Variants in GSE1 observed in about 807,000 individuals in gnomAD.
The protein encoded by GSE1 is genetic suppressor element 1.
Under a neutral mutation model 112.6 loss-of-function variants are expected in GSE1, and 32 were observed. The ratio of observed to expected loss-of-function variants is 0.28; its 90% confidence interval spans 0.21 to 0.38. GSE1 has a LOEUF of 0.38. GSE1 is among the 10% of genes least tolerant of loss of function. GSE1 has a pLI of 1.00. For missense variants in GSE1, 2,348 were observed against 1,699.2 expected, an observed-to-expected ratio of 1.38 and a Z score of -6.71; for synonymous variants, 1,115 against 735.6, an observed-to-expected ratio of 1.52 and a Z score of -8.35.
upstream of GSE1, among the ~76,000 whole-genome samples, chr16:85,608,679 C>T (rs1156963649): frequency 6.6e-6 from 1 of 152,206 alleles, no homozygotes; most frequent in Non-Finnish European, 1.5e-5. Flanking sequence ...CTCAGGTCTC[C>T]CCACTCGGGC....
At chr16:85,611,722 G>A (rs2047995891), upstream of GSE1, among the ~76,000 whole-genome samples, 1 of 152,068 alleles carries the variant, frequency 6.6e-6, no homozygotes, top group Non-Finnish European at 1.5e-5. Context: ...CCTGCCCCCC[G>A]GAGGGCACAC....
chr16:85,226,826 C>A (rs553891486), intron 1 of GSE1, among the ~76,000 whole-genome samples: 1 of 141,128 alleles, frequency 7.1e-6, no homozygotes, highest in African/African-American at 2.7e-5. Context: ...TGAAGGAGGA[C>A]GAAGGAGCTA....
At chr16:85,393,055 C>T (rs1211422997) in intron 2 of GSE1, among the ~76,000 whole-genome samples, 1 of 152,210 alleles carries the variant, frequency 6.6e-6, no homozygotes, top group Non-Finnish European at 1.5e-5. Context: ...GTCAAGGCTG[C>T]TGGTGCAGGG....
chr16:85,282,965 A>T (rs1246556629), intron 1 of GSE1: 1 of 152,314 alleles, frequency 6.6e-6, no homozygotes, highest in Non-Finnish European at 1.5e-5. Context: ...GGAGTTGGAC[A>T]TCAGCTGGGG....
chr16:85,326,956 G>C (rs1331885689), intron 1 of GSE1, among the ~76,000 whole-genome samples: 1 of 152,248 alleles, frequency 6.6e-6, no homozygotes, highest in Non-Finnish European at 1.5e-5. Context: ...ACAGGTCTGT[G>C]ATTTGCATAA....
intron 1 of GSE1, among the ~76,000 whole-genome samples, chr16:85,324,229 G>A (rs929941614): frequency 6.6e-6 from 1 of 152,202 alleles, no homozygotes; most frequent in African/African-American, 2.4e-5. Context: ...AACATCGGTG[G>A]CCGGGCACAG....
upstream of GSE1, chr16:85,555,034 G>A: frequency 2.0e-6 from 2 of 985,348 alleles, no homozygotes; most frequent in African/African-American, 1.7e-5. Context: ...GGGGAAGCTC[G>A]CAAGTGAAAC....
chr16:85,226,777 G>GTT (rs1163972032), intron 1 of GSE1, among the ~76,000 whole-genome samples: 1 of 137,438 alleles, frequency 7.3e-6, no homozygotes, highest in African/African-American at 3.1e-5. Context: ...GTGTGTGTGT[G>GTT]TGTGTGTGTG....
chr16:85,445,165 G>A (rs543845638), intron 2 of GSE1, among the ~76,000 whole-genome samples: 2 of 152,320 alleles, frequency 1.3e-5, no homozygotes, highest in East Asian at 1.9e-4. Context: ...CTGGGCATCG[G>A]GGTGCCACAC....
chr16:85,571,389 G>A (rs1413113194), intron 1 of GSE1, among the ~76,000 whole-genome samples: 1 of 152,268 alleles, frequency 6.6e-6, no homozygotes, highest in Non-Finnish European at 1.5e-5. Flanking sequence ...AATCACAGCA[G>A]CTCCATCTTG....
Position 85,666,342 on chromosome 16 carries a change from A to T in GSE1, c.3125A>T (p.His1042Leu), listed in dbSNP as rs749926235. 4 of 1,613,654 alleles carry T rather than the reference A, an allele frequency of 2.5e-6. No individual in the cohort carries two copies. The highest frequency in any genetic ancestry group is 3.4e-6 in the Non-Finnish European group (4 of 1,180,016). ...LQSTQKALQK[H>L]KGSVAVLSAE... Reference sequence around the variant, plus strand: ...TCCACCCAGAAGGCCCTGCAGAAGCATAAAGGTAATGAGGCTGCCAGTCCC... The same window carrying T: ...TCCACCCAGAAGGCCCTGCAGAAGCTTAAAGGTAATGAGGCTGCCAGTCCC... The change falls in exon 13 of 16, where the codon CAT becomes CTT. Residue 1042 changes from histidine to leucine, a missense_variant. Transcript: ENST00000253458.
chr16:85,183,398 C>T (rs2074635326), intron 1 of GSE1, among the ~76,000 whole-genome samples: 1 of 152,296 alleles, frequency 6.6e-6, no homozygotes, highest in East Asian at 1.9e-4. Context: ...AGCTGGGCTG[C>T]ACCAGGAAGG....
rs541022630 is a variant in GSE1 at position 85,371,952 on chromosome 16, C to T, written c.2464+14309C>T. On this transcript the variant is annotated intron_variant, in intron 2 of 2. Transcript: ENST00000637419. ...AGCCAGGCAGCCCTGGCTGAAGGAA[C>T]GGGCAGAGAGGGAGAGGAAGCGTGC... 2.5e-3 allele frequency among the ~76,000 whole-genome samples: 374 copies of T among 152,302 alleles called. 2 individuals are homozygous for T. Among genetic ancestry groups the T allele is most frequent in the African/African-American group, 8.5e-3 (353 of 41,572 alleles).
chr16:85,196,986 G>A (rs2074939666), intron 1 of GSE1, among the ~76,000 whole-genome samples: 1 of 152,190 alleles, frequency 6.6e-6, no homozygotes, highest in Admixed American at 6.5e-5. Context: ...GGAGACCCCG[G>A]TATGGGACCT....
chr16:85,184,058 C>T (rs879654687), intron 1 of GSE1, among the ~76,000 whole-genome samples: 16 of 152,310 alleles, frequency 1.1e-4, no homozygotes, highest in Non-Finnish European at 2.1e-4. Flanking sequence ...CCAGGGATGG[C>T]GAACTCACTC....
intron 1 of GSE1, among the ~76,000 whole-genome samples, chr16:85,586,992 T>A (rs1286430579): frequency 6.6e-6 from 1 of 152,236 alleles, no homozygotes; most frequent in Non-Finnish European, 1.5e-5. Context: ...GAGGGTTGGT[T>A]ACAGGCTGTT....
At chr16:85,410,156 T>G (rs562372649) in intron 2 of GSE1, among the ~76,000 whole-genome samples, 80 of 66,476 alleles carry the variant, frequency 1.2e-3, no homozygotes, top group African/African-American at 6.3e-3. Context: ...TCCTCGCTGT[T>G]ACACTCAGGG....
intron 1 of GSE1, among the ~76,000 whole-genome samples, chr16:85,193,515 A>G (rs1446492789): frequency 1.3e-5 from 2 of 152,120 alleles, no homozygotes; most frequent in East Asian, 1.9e-4. Flanking sequence ...GCTGAAGTGC[A>G]GTGGTGTGAC....
chr16:85,235,616 C>G (rs926879477), intron 1 of GSE1, among the ~76,000 whole-genome samples: 6 of 148,502 alleles, frequency 4.0e-5, no homozygotes, highest in Non-Finnish European at 7.5e-5. Flanking sequence ...TCTGCCACCA[C>G]GGGGGTGGGG....
Sources: allele counts gnomAD v4.1 joint callset (sites outside exome capture counted in the v4.1 genomes callset), GRCh38; gene constraint gnomAD v4.1.1; transcripts MANE v1.5; gene names NCBI Gene and HGNC (gene_info 2026-07-23, HGNC 2026-07-21).